Variants in UMODL1 observed in about 807,000 individuals in gnomAD.
UMODL1 encodes uromodulin-like 1.
In UMODL1, 128 loss-of-function variants were observed where a neutral mutation model predicts 136.3. The ratio of observed to expected loss-of-function variants is 0.94; its 90% CI spans 0.81 to 1.09. The LOEUF (loss-of-function observed/expected upper bound fraction) is 1.09, where lower values mean the gene tolerates loss of function less well. Ranked by LOEUF, UMODL1 falls within the 50% of genes least tolerant of loss-of-function variation. The pLI, the probability that UMODL1 is intolerant of heterozygous loss-of-function variation, is 0.00. For missense variants in UMODL1, 1,766 were observed against 1,725.6 expected (o/e 1.02, Z -0.41); for synonymous variants, 721 against 720.0 (o/e 1.00, Z -0.02).
chr21:42,074,713 C>T (rs139164762), intron 1 of UMODL1, among the ~76,000 whole-genome samples: 245 of 152,134 alleles, frequency 1.6e-3, no homozygotes, highest in Middle Eastern at 0.01. Flanking sequence ...ACAGTGGTAA[C>T]GGCTGAAAAG....
chr21:42,130,253 C>T (rs955626535), intron 21 of UMODL1, among the ~76,000 whole-genome samples: 3 of 145,580 alleles, frequency 2.1e-5, no homozygotes, highest in African/African-American at 7.6e-5. Flanking sequence ...TGTGCGTGCA[C>T]ACGAATGTGC....
At chr21:42,072,544 T>C (rs2066243123) in intron 1 of UMODL1, among the ~76,000 whole-genome samples, 1 of 152,144 alleles carries the variant, frequency 6.6e-6, no homozygotes, top group Admixed American at 6.5e-5. Context: ...CCCCTCATTG[T>C]ATATGAGGAC....
At chr21:42,076,396 C>T in intron 2 of UMODL1, 149 bp downstream of exon 2, 3 of 1,296,696 alleles carry the variant, frequency 2.3e-6, no homozygotes, top group Admixed American at 2.2e-5. Context: ...AGGTCATCGG[C>T]AGGGCTTTCC....
In UMODL1 at chr21:42,105,381, C is replaced by T. The variant is rs189055782; in HGVS notation, c.1519+1294C>T. Among the ~76,000 whole-genome samples the T allele has an allele frequency of 9.8e-4, 149 of 152,240 alleles. 2 individuals are homozygous for T. Among genetic ancestry groups the T allele is most frequent in the African/African-American group, 3.5e-3 (146 of 41,568 alleles). ...CACCTCCCTGCCTCCCTCCTCCCATCCTCTGGGACTAGGGCTCAGGCGATT... is the reference window on the plus strand; with the variant it reads ...CACCTCCCTGCCTCCCTCCTCCCATTCTCTGGGACTAGGGCTCAGGCGATT... On this transcript the variant is annotated intron_variant, in intron 9 of 22. Transcript: ENST00000408910.
At chr21:42,116,995 G>T (rs756030525) in intron 14 of UMODL1, among the ~76,000 whole-genome samples, 3 of 152,068 alleles carry the variant, frequency 2.0e-5, no homozygotes, top group Non-Finnish European at 2.9e-5. Flanking sequence ...AGAATCGCTT[G>T]AAACCAGGAG....
chr21:42,098,602 A>G (rs1444456678), intron 6 of UMODL1, among the ~76,000 whole-genome samples: 1 of 143,980 alleles, frequency 6.9e-6, no homozygotes, highest in African/African-American at 2.5e-5. Context: ...CCCCGTCTCT[A>G]CTAAAAATGC....
rs1278093705 is a variant in UMODL1, at chr21:42,076,177, G to T, written c.249G>T (p.Glu83Asp). Residue 83 changes from glutamate (E) to aspartate (D), a missense_variant, in exon 2 of 23, where the codon GAG (glutamate) becomes GAT (aspartate). Coordinates refer to ENST00000408910, the MANE Select transcript of UMODL1 (RefSeq NM_001004416.3). ...ACCGGACACAGTACCTGGTAGTGGA[G>T]GTCCCCGAGTCCAGGAACGTGACTG... ...MVYRTQYLVVEVPESRNVTDC... is the reference protein window; with the variant it reads ...MVYRTQYLVVDVPESRNVTDC... 1 of 1,614,238 alleles carries T rather than the reference G, an allele frequency of 6.2e-7. No individual in the cohort carries two copies. The highest frequency in any genetic ancestry group is 8.5e-7 in the Non-Finnish European group (1 of 1,180,042).
chr21:42,103,632 G>A, intron 8 of UMODL1: 1 of 655,854 alleles, frequency 1.5e-6, no homozygotes, highest in Non-Finnish European at 2.9e-6. Context: ...TGATTGCAGT[G>A]GTCACTGTGA....
chr21:42,076,711 T>G (rs1309980676), intron 2 of UMODL1, among the ~76,000 whole-genome samples: 1 of 152,180 alleles, frequency 6.6e-6, no homozygotes, highest in Non-Finnish European at 1.5e-5. Flanking sequence ...TACAGCAGCC[T>G]TTTCTTTCTA....
intron 20 of UMODL1, among the ~76,000 whole-genome samples, chr21:42,128,551 G>A (rs2123371596): frequency 6.6e-6 from 1 of 152,322 alleles, no homozygotes; most frequent in South Asian, 2.1e-4. Flanking sequence ...GACGTGGATA[G>A]AGAAGCAACA....
chr21:42,108,918 C>T (rs1034918910), intron 9 of UMODL1, among the ~76,000 whole-genome samples: 14 of 146,782 alleles, frequency 9.5e-5, no homozygotes, highest in African/African-American at 3.5e-4. Context: ...ACCCCCACCC[C>T]CCCCACGAGA....
At chr21:42,065,829 G>C (rs974057346) in intron 1 of UMODL1, among the ~76,000 whole-genome samples, 3 of 152,166 alleles carry the variant, frequency 2.0e-5, no homozygotes, top group African/African-American at 7.2e-5. Flanking sequence ...ACTGCACTCA[G>C]CCTGCACCAA....
intron 14 of UMODL1, among the ~76,000 whole-genome samples, chr21:42,118,454 T>C (rs962513227): frequency 2.0e-5 from 3 of 152,228 alleles, no homozygotes; most frequent in African/African-American, 7.2e-5. Context: ...ATTGTTTGCC[T>C]TTCTGAGTGC....
intron 21 of UMODL1, among the ~76,000 whole-genome samples, chr21:42,130,343 G>T (rs1329840223): frequency 1.3e-5 from 2 of 151,940 alleles, no homozygotes; most frequent in African/African-American, 2.4e-5. Flanking sequence ...ACTTCCATTA[G>T]CCAATTACAT....
rs2146502443 is a variant in UMODL1 at position 42,110,864 on chromosome 21, G to A, written c.1658-16G>A. 6.3e-7 allele frequency: 1 copy of A among 1,588,694 alleles called. No individual in the cohort carries two copies. Among genetic ancestry groups the A allele is most frequent in the East Asian group, 2.3e-5 (1 of 44,214 alleles). On this transcript the variant is annotated splice_polypyrimidine_tract_variant and intron_variant, in intron 10 of 22. Coordinates refer to ENST00000408910, the MANE Select transcript of UMODL1 (RefSeq NM_001004416.3). ...GTGGGATCCAGCAGGCTCTGACAGTGGATGTGTCTTGGCAGGTGACCTGGT... is the reference window on the plus strand; with the variant it reads ...GTGGGATCCAGCAGGCTCTGACAGTAGATGTGTCTTGGCAGGTGACCTGGT...
intron 21 of UMODL1, among the ~76,000 whole-genome samples, chr21:42,133,112 C>T (rs1347772026): frequency 6.6e-6 from 1 of 152,200 alleles, no homozygotes; most frequent in Non-Finnish European, 1.5e-5. Flanking sequence ...CATACAAATA[C>T]ACAGCAAAAT....
intron 1 of UMODL1, among the ~76,000 whole-genome samples, chr21:42,072,753 G>A (rs1224450826): frequency 6.6e-6 from 1 of 152,240 alleles, no homozygotes. Flanking sequence ...GAGCCTGGGT[G>A]TGAGCACAGG....
chr21:42,076,939 T>C (rs1433866285), intron 2 of UMODL1, among the ~76,000 whole-genome samples: 2 of 149,648 alleles, frequency 1.3e-5, no homozygotes, highest in Admixed American at 6.7e-5. Context: ...TCTGAGCCGT[T>C]GGGATAGGGC....
chr21:42,110,561 T>C (rs1571737), intron 10 of UMODL1, among the ~76,000 whole-genome samples: 25,394 of 152,218 alleles, frequency 0.17, 2,287 homozygotes, highest in South Asian at 0.23. Flanking sequence ...AGAGTCCTGA[T>C]GGATTAATCT....
Sources: allele counts gnomAD v4.1 joint callset (sites outside exome capture counted in the v4.1 genomes callset), GRCh38; gene constraint gnomAD v4.1.1; transcripts MANE v1.5; gene names NCBI Gene and HGNC (gene_info 2026-07-23, HGNC 2026-07-21).